Variants in C10orf90 observed in about 807,000 individuals in gnomAD.
C10orf90 encodes (E2-independent) E3 ubiquitin-conjugating enzyme FATS.
A neutral mutation model predicts 62.5 loss-of-function variants in C10orf90; 56 were observed. The ratio of observed to expected loss-of-function variants is 0.90; its 90% CI spans 0.72 to 1.12. The LOEUF is 1.12. C10orf90 is among the 50% of genes most tolerant of loss of function. C10orf90 has a pLI of 0.00. For missense variants in C10orf90, 970 were observed against 880.4 expected (o/e 1.10, Z -1.29); for synonymous variants, 386 against 340.4 (o/e 1.13, Z -1.47).
At chr10:126,569,448 G>A (rs572098315) in intron 2 of C10orf90, among the ~76,000 whole-genome samples, 1 of 152,174 alleles carries the variant, frequency 6.6e-6, no homozygotes, top group Non-Finnish European at 1.5e-5. Context: ...AGCAGAGAGA[G>A]ACCAAGAGAG....
intron 6 of C10orf90, 82 bp downstream of exon 6, chr10:126,461,318 CA>C: frequency 6.7e-7 from 1 of 1,491,466 alleles, no homozygotes; most frequent in Non-Finnish European, 9.1e-7. Flanking sequence ...CTCAGAGGTG[CA>C]AGTGAGGTTG....
chr10:126,592,612 C>A (rs1468049266), intron 2 of C10orf90, among the ~76,000 whole-genome samples: 1 of 152,154 alleles, frequency 6.6e-6, no homozygotes, highest in Non-Finnish European at 1.5e-5. Flanking sequence ...CTAGGCAATA[C>A]CATTCAGGAC....
intron 2 of C10orf90, chr10:126,521,552 C>T: frequency 9.9e-7 from 1 of 1,007,928 alleles, no homozygotes; most frequent in Non-Finnish European, 1.3e-6. Context: ...ACAAGCCCAC[C>T]TTGTGACATT....
intron 2 of C10orf90, among the ~76,000 whole-genome samples, chr10:126,552,032 C>G (rs1236808804): frequency 6.6e-6 from 1 of 152,076 alleles, no homozygotes; most frequent in Non-Finnish European, 1.5e-5. Flanking sequence ...AAGGTTAGTA[C>G]CTAGAAGAAC....
chr10:126,489,876 C>T (rs1259480868), intron 4 of C10orf90, among the ~76,000 whole-genome samples: 1 of 147,786 alleles, frequency 6.8e-6, no homozygotes, highest in Non-Finnish European at 1.5e-5. Context: ...GTGGTACATA[C>T]ATACATAGAA....
chr10:126,580,361 A>G (rs1237991191), intron 2 of C10orf90, among the ~76,000 whole-genome samples: 1 of 152,164 alleles, frequency 6.6e-6, no homozygotes, highest in Non-Finnish European at 1.5e-5. Flanking sequence ...AAACGTTTAA[A>G]AAGACATTAA....
At chr10:126,485,887 C>A (rs1166020804) in intron 4 of C10orf90, among the ~76,000 whole-genome samples, 1 of 151,194 alleles carries the variant, frequency 6.6e-6, no homozygotes. Context: ...GCGGAGCTTG[C>A]AGTGAGGCGA....
chr10:126,501,450 C>T (rs1456423544), intron 4 of C10orf90, among the ~76,000 whole-genome samples: 1 of 152,176 alleles, frequency 6.6e-6, no homozygotes, highest in African/African-American at 2.4e-5. Context: ...TGCCCCACAG[C>T]ACACCCCAGG....
chr10:126,648,592 A>G (rs1347484250), intron 1 of C10orf90, among the ~76,000 whole-genome samples: 1 of 152,270 alleles, frequency 6.6e-6, no homozygotes, highest in African/African-American at 2.4e-5. Flanking sequence ...TGGATAATGC[A>G]TAAAAACTTT....
intron 2 of C10orf90, among the ~76,000 whole-genome samples, chr10:126,637,612 A>G (rs1407919419): frequency 3.7e-4 from 57 of 152,212 alleles, no homozygotes. Context: ...TCCAGAGGAC[A>G]TGCAGGTAAG....
At chr10:126,662,868 C>T (rs1388044970) in intron 1 of C10orf90, among the ~76,000 whole-genome samples, 1 of 151,380 alleles carries the variant, frequency 6.6e-6, no homozygotes, top group Non-Finnish European at 1.5e-5. Flanking sequence ...GGATGGGTGC[C>T]TCCGTGCATT....
intron 1 of C10orf90, among the ~76,000 whole-genome samples, chr10:126,656,481 T>C (rs1488516230): frequency 1.3e-5 from 2 of 152,230 alleles, no homozygotes; most frequent in South Asian, 2.1e-4. Flanking sequence ...TCAGGATTCA[T>C]ATCCAAGGTC....
chr10:126,502,082 C>T (rs1482262086), intron 4 of C10orf90, among the ~76,000 whole-genome samples: 2 of 149,272 alleles, frequency 1.3e-5, no homozygotes, highest in Admixed American at 6.7e-5. Flanking sequence ...CACACACACA[C>T]ACCACACAAC....
In C10orf90 at chr10:126,576,667, A is replaced by ATTATC. The variant is rs1358943872; in HGVS notation, c.314-62729_314-62728insGATAA. Among the ~76,000 whole-genome samples the ATTATC allele has an allele frequency of 1.3e-4, 4 of 30,006 alleles. No homozygotes were observed. The South Asian group carries it at 3.2e-3, about 24-fold the overall frequency. The allele number at this position is 30,006 out of a possible 152,430, so 19.7% of individuals were successfully genotyped here. ...CACCACAGCCAAGATATGTATACATATATATGTATACATATACATATACAT... is the reference window on the plus strand; with the variant it reads ...CACCACAGCCAAGATATGTATACATATTATCTATATGTATACATATACATATACAT... On this transcript the variant is annotated intron_variant, in intron 2 of 9. Coordinates refer to ENST00000488181, the MANE Select transcript of C10orf90 (RefSeq NM_001350921.2).
intron 2 of C10orf90, among the ~76,000 whole-genome samples, chr10:126,629,522 A>G (rs1436792): frequency 0.57 from 86,923 of 152,112 alleles, 25,159 homozygotes; most frequent in Middle Eastern, 0.69. Context: ...AGCAGGAGAC[A>G]GAGCTACCAG....
chr10:126,450,136 T>C (rs1310452504), intron 7 of C10orf90, among the ~76,000 whole-genome samples: 1 of 151,926 alleles, frequency 6.6e-6, no homozygotes, highest in Non-Finnish European at 1.5e-5. Flanking sequence ...GTGAAATATA[T>C]ATGTACACTA....
intron 2 of C10orf90, among the ~76,000 whole-genome samples, chr10:126,527,545 G>T (rs965398242): frequency 6.6e-6 from 1 of 152,228 alleles, no homozygotes; most frequent in Admixed American, 6.5e-5. Context: ...CAATGGCAGA[G>T]CATTTCTGTC....
chr10:126,567,497 A>C (rs1197370457), intron 2 of C10orf90, among the ~76,000 whole-genome samples: 1 of 152,102 alleles, frequency 6.6e-6, no homozygotes. Flanking sequence ...GATCCAAACC[A>C]TATCGGGAGG....
At position 126,609,646 on chromosome 10, in the gene C10orf90, G is replaced by T. The variant is rs548581605; in HGVS notation, c.313+36919C>A. 6.6e-5 allele frequency among the ~76,000 whole-genome samples: 10 copies of T among 152,348 alleles called. 1 individual carries two copies. In the East Asian group the frequency reaches 1.9e-3, roughly 29 times the overall value. On this transcript the variant is annotated intron_variant, in intron 2 of 9. Coordinates refer to ENST00000488181, the MANE Select transcript of C10orf90 (RefSeq NM_001350921.2). ...TAAGTTGGCAAGGGTGCATGATGGG[G>T]TTGAGCATTGTGGGAGAAGAGGGAC... is the stretch of plus-strand genomic sequence containing the variant.
Sources: gnomAD v4.1 joint callset for allele counts (sites outside exome capture counted in the v4.1 genomes callset) on GRCh38, gnomAD v4.1.1 for gene constraint, MANE v1.5 for transcripts, NCBI Gene and HGNC (gene_info 2026-07-23, HGNC 2026-07-21) for gene names.